Variants in COG5 observed in about 807,000 individuals in gnomAD.
COG5 encodes component of oligomeric golgi complex 5, also known as conserved oligomeric Golgi complex subunit 5.
Under a neutral mutation model 110.4 loss-of-function variants are expected in COG5, and 86 were observed. The ratio of observed to expected loss-of-function variants is 0.78; its 90% confidence interval spans 0.65 to 0.93. The LOEUF (loss-of-function observed/expected upper bound fraction) is 0.93. COG5 is among the 40% of genes least tolerant of loss of function. The pLI, the probability that COG5 is intolerant of heterozygous loss-of-function variation, is 0.00. For synonymous variants in COG5, 360 were observed against 334.6 expected (o/e 1.08, Z -0.83); for missense variants, 1,077 against 987.0 (o/e 1.09, Z -1.22).
intron 8 of COG5, 84 bp from the exon 9 acceptor site, chr7:107,362,504 G>A (rs921997525): frequency 4.0e-5 from 33 of 835,024 alleles, no homozygotes; most frequent in Admixed American, 1.4e-4. Context: ...AAAACCATAC[G>A]CAAGCTAAAA....
chr7:107,246,260 C>A lies in COG5; in HGVS notation c.1853+2136G>T, dbSNP rs189665681. Among the ~76,000 whole-genome samples the A allele has an allele frequency of 4.0e-4, 61 of 152,190 alleles. 1 individual carries two copies. The East Asian group carries it at 8.7e-3, about 22-fold the overall frequency. On this transcript the variant is annotated intron_variant, in intron 17 of 21. Coordinates refer to ENST00000297135, the MANE Select transcript of COG5 (RefSeq NM_006348.5). ...CATGCAAAACCCAAAACTATAAAACCCTGGAAGACAACCTAGGCAATACTA... is the reference window on the plus strand; with the variant it reads ...CATGCAAAACCCAAAACTATAAAACACTGGAAGACAACCTAGGCAATACTA...
intron 14 of COG5, among the ~76,000 whole-genome samples, chr7:107,259,005 T>C (rs1471738521): frequency 6.6e-6 from 1 of 152,136 alleles, no homozygotes; most frequent in Non-Finnish European, 1.5e-5. Flanking sequence ...TTATACTGTG[T>C]ATAGATGATC....
chr7:107,430,954 T>C (rs1327346467), intron 6 of COG5, among the ~76,000 whole-genome samples: 2 of 152,004 alleles, frequency 1.3e-5, no homozygotes, highest in Admixed American at 6.6e-5. Flanking sequence ...GGTGATACGA[T>C]GCAGGGCCAT....
At chr7:107,405,921 C>T (rs1791800646) in intron 7 of COG5, among the ~76,000 whole-genome samples, 1 of 152,086 alleles carries the variant, frequency 6.6e-6, no homozygotes, top group African/African-American at 2.4e-5. Context: ...GAATGTTGGC[C>T]CTCAGTAGAT....
chr7:107,486,947 A>G (rs568301239), intron 6 of COG5, among the ~76,000 whole-genome samples: 1 of 152,310 alleles, frequency 6.6e-6, no homozygotes, highest in Admixed American at 6.5e-5. Context: ...TGTGGTTGCT[A>G]TGTGCCTAAG....
chr7:107,299,873 A>AATATATATATATATAT (rs145472519), intron 11 of COG5, among the ~76,000 whole-genome samples: 3 of 124,452 alleles, frequency 2.4e-5, no homozygotes, highest in Non-Finnish European at 3.4e-5. Context: ...AATTATCTGG[A>AATATATATATATATAT]ATATATATAT....
At chr7:107,234,956 G>A (rs1164448052) in intron 18 of COG5, among the ~76,000 whole-genome samples, 1 of 152,090 alleles carries the variant, frequency 6.6e-6, no homozygotes. Context: ...TTCATAAAAT[G>A]TAAAAGGTAA....
At chr7:107,228,343 C>G (rs1800521666) in intron 19 of COG5, among the ~76,000 whole-genome samples, 1 of 149,650 alleles carries the variant, frequency 6.7e-6, no homozygotes, top group Non-Finnish European at 1.5e-5. Context: ...CTTCCTATAG[C>G]AATGCTAAAT....
rs1302685606 is a variant in COG5, at chr7:107,563,876, G to A, written c.21C>T (p.Ser7=). MEGGGG[S]VAVAGLGARG... is the part of the protein sequence containing the mutation. ...GAGCTCCGAGGCCAGCTACAGCGAC[G>A]CTGCCGCCGCCACCTTCCATGTTGG... Residue 7 remains serine, a synonymous_variant, in exon 1 of 22, where the codon AGC becomes AGT. Transcript: ENST00000297135. 1 of 1,613,534 alleles carries A rather than the reference G, an allele frequency of 6.2e-7. No homozygotes were observed. The highest frequency in any genetic ancestry group is 1.7e-5 in the Admixed American group (1 of 60,020).
intron 6 of COG5, among the ~76,000 whole-genome samples, chr7:107,473,264 T>A (rs1342519853): frequency 6.6e-6 from 1 of 151,948 alleles, no homozygotes; most frequent in Non-Finnish European, 1.5e-5. Context: ...TTCCACAAGA[T>A]ACAAGAGGGT....
rs60423657 is a variant in COG5 at position 107,541,523 on chromosome 7, A to AAAAAAAAT, written c.417+6587_417+6588insATTTTTTT. 6.0e-4 allele frequency among the ~76,000 whole-genome samples: 34 copies of AAAAAAAAT among 57,018 alleles called. 2 individuals are homozygous for AAAAAAAAT. Among genetic ancestry groups the AAAAAAAAT allele is most frequent in the African/African-American group, 1.9e-3 (28 of 14,962 alleles). 37.4% of individuals were successfully genotyped at this position (57,018 alleles called of 152,430 possible). A position where few individuals can be genotyped will look rare whatever the true frequency, so the allele number is the denominator to read the frequency against. On this transcript the variant is annotated intron_variant, in intron 5 of 21. Coordinates refer to ENST00000297135, the MANE Select transcript of COG5 (RefSeq NM_006348.5). The stretch of plus-strand genomic sequence containing the variant: ...AAAAAAAAAAAAAAAAAAAAAAAAA[A>AAAAAAAAT]ATATATATATATATATATATGTATT...
At chr7:107,476,449 C>T (rs1305232291) in intron 6 of COG5, among the ~76,000 whole-genome samples, 2 of 151,384 alleles carry the variant, frequency 1.3e-5, no homozygotes, top group Non-Finnish European at 3.0e-5. Context: ...GTTTTATTTC[C>T]ACACTGAAAT....
At chr7:107,348,624 T>A (rs991554989) in intron 10 of COG5, among the ~76,000 whole-genome samples, 1 of 152,146 alleles carries the variant, frequency 6.6e-6, no homozygotes, top group African/African-American at 2.4e-5. Context: ...TAATTTTGAA[T>A]TTACAGAAAA....
At chr7:107,497,671 T>C (rs769552470) in intron 6 of COG5, among the ~76,000 whole-genome samples, 2 of 152,180 alleles carry the variant, frequency 1.3e-5, no homozygotes, top group Non-Finnish European at 2.9e-5. Context: ...ATACTTCTAA[T>C]GTTCATAGAT....
intron 11 of COG5, among the ~76,000 whole-genome samples, chr7:107,313,315 C>G (rs752921498): frequency 6.6e-6 from 1 of 152,118 alleles, no homozygotes; most frequent in African/African-American, 2.4e-5. Flanking sequence ...CTAGAGTGAA[C>G]TGAAATAATC....
chr7:107,540,157 T>A (rs1014869309), intron 5 of COG5, among the ~76,000 whole-genome samples: 17 of 152,162 alleles, frequency 1.1e-4, no homozygotes, highest in Non-Finnish European at 7.4e-5. Flanking sequence ...AATCTGTGCA[T>A]GTGTGAGAGG....
At position 107,272,985 on chromosome 7, in the gene COG5, A is replaced by G. The variant is rs190075070; in HGVS notation, c.1575+8315T>C. Among the ~76,000 whole-genome samples, 670 of 151,916 alleles carry G rather than the reference A, an allele frequency of 4.4e-3. 3 individuals are homozygous for G. Among genetic ancestry groups the G allele is most frequent in the Non-Finnish European group, 7.1e-3 (479 of 67,850 alleles). ...AATGCAGAGTTTTAGTTTGCATCCT[A>G]ATTTTTAAAAGGAAGTCTTCTCCCT... On this transcript the variant is annotated intron_variant, in intron 14 of 21. Coordinates refer to ENST00000297135, the MANE Select transcript of COG5 (RefSeq NM_006348.5).
chr7:107,507,569 A>T (rs1799122550), intron 6 of COG5, among the ~76,000 whole-genome samples: 1 of 151,246 alleles, frequency 6.6e-6, no homozygotes, highest in Non-Finnish European at 1.5e-5. Context: ...AGCCTCCCGA[A>T]GTGCTGGATT....
intron 11 of COG5, among the ~76,000 whole-genome samples, chr7:107,309,764 T>C (rs1319792892): frequency 6.6e-6 from 1 of 152,180 alleles, no homozygotes; most frequent in Non-Finnish European, 1.5e-5. Context: ...AATTTTTTCA[T>C]TTTCATTTTG....
Sources: gnomAD v4.1 joint callset for allele counts (sites outside exome capture counted in the v4.1 genomes callset) on GRCh38, gnomAD v4.1.1 for gene constraint, MANE v1.5 for transcripts, NCBI Gene and HGNC (gene_info 2026-07-23, HGNC 2026-07-21) for gene names.